The following PARD3 variants were observed in gnomAD, a reference collection of about 807,000 sequenced individuals.
PARD3 encodes the protein par-3 family cell polarity regulator, also known as partitioning defective 3 homolog.
Under a neutral mutation model 155.4 loss-of-function variants are expected in PARD3, and 75 were observed. The observed-to-expected ratio is 0.48, with a 90% CI of 0.40 to 0.58. The LOEUF is 0.58. Among genes scored for constraint, PARD3 ranks in the 20% least tolerant of loss-of-function variants. The probability of loss-of-function intolerance (pLI) is 0.00; values close to 1 mark genes in which losing one functional copy is unlikely to be tolerated. For missense variants in PARD3, 1,642 were observed against 1,721.7 expected (o/e 0.95, Z 0.82); for synonymous variants, 576 against 610.5 (o/e 0.94, Z 0.83).
intron 20 of PARD3, among the ~76,000 whole-genome samples, chr10:34,288,388 G>C (rs1956505041): frequency 6.6e-6 from 1 of 151,882 alleles, no homozygotes; most frequent in Non-Finnish European, 1.5e-5. Flanking sequence ...GACAAAAATG[G>C]ATCACTCACA....
At chr10:34,811,849 C>T (rs553452107) in intron 1 of PARD3, among the ~76,000 whole-genome samples, 23 of 152,276 alleles carry the variant, frequency 1.5e-4, no homozygotes, top group African/African-American at 4.3e-4. Context: ...GATGCAGACA[C>T]GGTCCATCCT....
chr10:34,739,304 C>A (rs942787910), intron 1 of PARD3, among the ~76,000 whole-genome samples: 13 of 152,150 alleles, frequency 8.5e-5, no homozygotes, highest in African/African-American at 2.9e-4. Flanking sequence ...GTGAGGGGTA[C>A]ACTCTCTCTA....
At chr10:34,423,176 T>C (rs995172407) in intron 5 of PARD3, among the ~76,000 whole-genome samples, 30 of 152,068 alleles carry the variant, frequency 2.0e-4, no homozygotes, top group African/African-American at 7.0e-4. Flanking sequence ...TGTGGCAACA[T>C]GAATGATAGT....
chr10:34,753,545 C>T (rs368996051), intron 1 of PARD3, among the ~76,000 whole-genome samples: 6 of 152,310 alleles, frequency 3.9e-5, no homozygotes, highest in South Asian at 4.1e-4. Flanking sequence ...TGGTGAATAA[C>T]GCAATTTTGT....
intron 2 of PARD3, among the ~76,000 whole-genome samples, chr10:34,591,792 G>C (rs546873661): frequency 6.6e-6 from 1 of 152,118 alleles, no homozygotes. Flanking sequence ...GCTAAGCCGG[G>C]GGAGTTTCGA....
At chr10:34,588,161 TAA>T (rs1297943614) in intron 2 of PARD3, among the ~76,000 whole-genome samples, 1 of 152,184 alleles carries the variant, frequency 6.6e-6, no homozygotes, top group African/African-American at 2.4e-5. Context: ...AACAGTTGCT[TAA>T]AACAGTAGCC....
chr10:34,791,169 C>T (rs1475668071), intron 1 of PARD3, among the ~76,000 whole-genome samples: 1 of 152,202 alleles, frequency 6.6e-6, no homozygotes, highest in East Asian at 1.9e-4. Context: ...CACTGTGTAA[C>T]ATTCTACACT....
intron 2 of PARD3, among the ~76,000 whole-genome samples, chr10:34,658,529 GGGCTGA>G (rs1040937566): frequency 2.0e-5 from 3 of 152,036 alleles, no homozygotes; most frequent in African/African-American, 7.2e-5. Flanking sequence ...CTGGGGGCTG[GGGCTGA>G]GGCTGAGGCT....
At chr10:34,117,322 T>C (rs1946732639) in intron 24 of PARD3, among the ~76,000 whole-genome samples, 1 of 152,070 alleles carries the variant, frequency 6.6e-6, no homozygotes, top group South Asian at 2.1e-4. Flanking sequence ...ACACAAGCTA[T>C]GAAGTGCCCT....
chr10:34,627,761 T>G lies in PARD3; in HGVS notation c.222+68557A>C, dbSNP rs570507398. The stretch of plus-strand genomic sequence containing the variant: ...AACTGTGAGACAATGAGTTTCTGTG[T>G]GTCAAGCCATCCAGTTCTTGGTACT... On this transcript the variant is annotated intron_variant, in intron 2 of 24. Transcript: ENST00000374788. Among the ~76,000 whole-genome samples the G allele has an allele frequency of 5.9e-4, 90 of 152,334 alleles. 1 individual carries two copies. Among genetic ancestry groups the G allele is most frequent in the African/African-American group, 2.1e-3 (88 of 41,574 alleles).
chr10:34,766,466 A>G (rs1727416005), intron 1 of PARD3, among the ~76,000 whole-genome samples: 1 of 152,190 alleles, frequency 6.6e-6, no homozygotes, highest in South Asian at 2.1e-4. Context: ...TCAGGAAACA[A>G]TTATCTACAT....
intron 4 of PARD3, among the ~76,000 whole-genome samples, chr10:34,462,833 G>A (rs1406827927): frequency 1.3e-5 from 2 of 149,082 alleles, no homozygotes; most frequent in Non-Finnish European, 3.0e-5. Context: ...CCAGACAGTG[G>A]CAAAAGAAAA....
At chr10:34,197,083 T>C (rs1041942378) in intron 22 of PARD3, among the ~76,000 whole-genome samples, 2 of 152,142 alleles carry the variant, frequency 1.3e-5, no homozygotes, top group Non-Finnish European at 2.9e-5. Flanking sequence ...AATGTTCAGC[T>C]CAAAACCAAG....
At chr10:34,759,871 T>C (rs937406607) in intron 1 of PARD3, among the ~76,000 whole-genome samples, 5 of 152,236 alleles carry the variant, frequency 3.3e-5, no homozygotes, top group African/African-American at 1.2e-4. Context: ...TGAAAAGCTC[T>C]GCACATACTG....
At chr10:34,344,035 GTCT>G (rs1837115717) in intron 15 of PARD3, 1 of 963,476 alleles carries the variant, frequency 1.0e-6, no homozygotes, top group Admixed American at 6.2e-5. Context: ...TTCTAAATAC[GTCT>G]TCTTAAACTC....
intron 3 of PARD3, among the ~76,000 whole-genome samples, chr10:34,505,224 A>C (rs1207392004): frequency 1.3e-5 from 2 of 152,192 alleles, no homozygotes; most frequent in East Asian, 3.9e-4. Context: ...ACAAATTTTC[A>C]AGTGTAAGTA....
chr10:34,493,171 A>G (rs2133343108), intron 3 of PARD3, among the ~76,000 whole-genome samples: 1 of 152,332 alleles, frequency 6.6e-6, no homozygotes, highest in South Asian at 2.1e-4. Context: ...TCTGTGATAC[A>G]TACTTCTCCT....
chr10:34,230,113 C>G (rs941308542), intron 22 of PARD3, among the ~76,000 whole-genome samples: 1 of 152,092 alleles, frequency 6.6e-6, no homozygotes, highest in East Asian at 1.9e-4. Flanking sequence ...AGGCCCTGAG[C>G]TGAGGAAACA....
At chr10:34,739,275 C>T (rs188188930) in intron 1 of PARD3, among the ~76,000 whole-genome samples, 38 of 152,224 alleles carry the variant, frequency 2.5e-4, no homozygotes, top group African/African-American at 8.4e-4. Flanking sequence ...TGATGTAAGA[C>T]ATTAGCAAAG....
Sources: allele counts gnomAD v4.1 joint callset (sites outside exome capture counted in the v4.1 genomes callset), GRCh38; gene constraint gnomAD v4.1.1; transcripts MANE v1.5; gene names NCBI Gene and HGNC (gene_info 2026-07-23, HGNC 2026-07-21).